RORA: variants seen among roughly 807,000 people sequenced by gnomAD.
RORA encodes RAR related orphan receptor A.
Under a neutral mutation model 69.5 loss-of-function variants are expected in RORA, and 7 were observed. The ratio of observed to expected loss-of-function variants is 0.10; its 90% CI spans 0.06 to 0.19. RORA has a LOEUF of 0.19. Ranked by LOEUF, RORA falls within the 10% of genes least tolerant of loss-of-function variation. RORA has a pLI of 1.00. For missense variants in RORA, 457 were observed against 663.0 expected, an observed-to-expected ratio of 0.69 and a Z score of 3.41; for synonymous variants, 261 against 240.8, an observed-to-expected ratio of 1.08 and a Z score of -0.78.
intron 1 of RORA, among the ~76,000 whole-genome samples, chr15:60,772,154 C>G (rs1031951063): frequency 2.6e-5 from 4 of 151,948 alleles, no homozygotes; most frequent in Non-Finnish European, 5.9e-5. Context: ...GTTTGCTGTA[C>G]CCATCAACTC....
chr15:60,674,338 TC>T (rs1489429902), intron 2 of RORA, among the ~76,000 whole-genome samples: 13 of 152,186 alleles, frequency 8.5e-5, no homozygotes, highest in African/African-American at 3.1e-4. Flanking sequence ...TTTTTGGATC[TC>T]CTGAGTAAAT....
chr15:61,045,194 C>T lies in RORA; in HGVS notation c.166+183859G>A, dbSNP rs184518195. ...TTGAATCATGGGGGTGGGTCTTTCC[C>T]ATGCTGTTCTCATGATAGTGAATAA... On this transcript the variant is annotated intron_variant, in intron 1 of 10. Coordinates refer to ENST00000335670, the MANE Select transcript of RORA (RefSeq NM_134261.3). Among the ~76,000 whole-genome samples the T allele has an allele frequency of 1.6e-4, 25 of 152,216 alleles. No individual in the cohort carries two copies. The East Asian group carries it at 4.6e-3, about 28-fold the overall frequency.
intron 1 of RORA, among the ~76,000 whole-genome samples, chr15:61,068,923 A>C (rs773794482): frequency 3.3e-5 from 5 of 152,198 alleles, no homozygotes; most frequent in Non-Finnish European, 2.9e-5. Flanking sequence ...CAATTTATGA[A>C]CCATTTCCCC....
At chr15:60,959,986 C>G (rs559829585) in intron 1 of RORA, among the ~76,000 whole-genome samples, 1 of 152,082 alleles carries the variant, frequency 6.6e-6, no homozygotes, top group African/African-American at 2.4e-5. Context: ...CTATACTTCC[C>G]TATAGCCAGT....
At chr15:60,726,982 G>C (rs892923786) in intron 1 of RORA, among the ~76,000 whole-genome samples, 5 of 152,134 alleles carry the variant, frequency 3.3e-5, no homozygotes, top group African/African-American at 1.2e-4. Flanking sequence ...TTTTTGAGCA[G>C]TAATAACTTT....
chr15:60,498,846 T>A (rs1267964409), intron 10 of RORA, among the ~76,000 whole-genome samples: 2 of 136,462 alleles, frequency 1.5e-5, no homozygotes, highest in African/African-American at 2.8e-5. Flanking sequence ...TGGTCTAACA[T>A]AGCTATAAAG....
intron 2 of RORA, among the ~76,000 whole-genome samples, chr15:60,569,285 C>T (rs1365154893): frequency 7.0e-6 from 1 of 142,910 alleles, no homozygotes; most frequent in African/African-American, 2.7e-5. Flanking sequence ...AAAAAAAAGC[C>T]ATGTGTGGTG....
At chr15:60,975,240 G>A (rs902147301) in intron 1 of RORA, among the ~76,000 whole-genome samples, 2 of 152,170 alleles carry the variant, frequency 1.3e-5, no homozygotes, top group African/African-American at 4.8e-5. Context: ...GGAGTAATGG[G>A]GGCCTAAACA....
chr15:61,177,810 A>G (rs2079644328), intron 1 of RORA, among the ~76,000 whole-genome samples: 1 of 151,796 alleles, frequency 6.6e-6, no homozygotes, highest in South Asian at 2.1e-4. Context: ...AAAATACAAA[A>G]AATTAGCCAA....
In RORA at chr15:60,495,684, C is replaced by T. The variant is rs1275136445; in HGVS notation, c.*1771G>A. On this transcript the variant is annotated 3_prime_UTR_variant, in exon 11 of 11. Coordinates refer to ENST00000335670, the MANE Select transcript of RORA (RefSeq NM_134261.3). ...TGGAAACTCCTACCTTAACACCCAT[C>T]GGAGATGTTCCCTTTTCTGTACAAA... 1.3e-5 allele frequency: 2 copies of T among 152,318 alleles called. No individual in the cohort carries two copies. The highest frequency in any genetic ancestry group is 1.5e-5 in the Non-Finnish European group (1 of 68,026). The allele number at this position is 152,318 out of a possible 1,614,324, so 9.4% of individuals were successfully genotyped here.
At chr15:61,059,958 A>AGAAGAAGAAGAAGAG (rs2078152413) in intron 1 of RORA, among the ~76,000 whole-genome samples, 1 of 119,796 alleles carries the variant, frequency 8.3e-6, no homozygotes, top group African/African-American at 3.1e-5. Context: ...AAGAAGAAGA[A>AGAAGAAGAAGAAGAG]GAAGAGGAAG....
chr15:61,184,030 C>A (rs912649852), intron 1 of RORA, among the ~76,000 whole-genome samples: 3 of 152,140 alleles, frequency 2.0e-5, no homozygotes, highest in African/African-American at 7.2e-5. Flanking sequence ...TGACACAGAG[C>A]CATCTCCTAT....
chr15:61,172,680 G>C (rs955144247), intron 1 of RORA, among the ~76,000 whole-genome samples: 1 of 152,102 alleles, frequency 6.6e-6, no homozygotes, highest in Non-Finnish European at 1.5e-5. Context: ...CAGTACAATG[G>C]GAAAATCGCC....
chr15:60,941,921 T>C (rs1471104172), intron 1 of RORA, among the ~76,000 whole-genome samples: 5 of 152,164 alleles, frequency 3.3e-5, no homozygotes, highest in Non-Finnish European at 7.3e-5. Flanking sequence ...AAAGCAGACA[T>C]TTTAGGAAGA....
intron 10 of RORA, among the ~76,000 whole-genome samples, chr15:60,497,871 A>T (rs2065209417): frequency 6.6e-6 from 1 of 151,846 alleles, no homozygotes; most frequent in Admixed American, 6.6e-5. Context: ...CCAGCCTGGG[A>T]AACACGGTGA....
At chr15:60,857,685 T>C (rs1036143292) in intron 1 of RORA, among the ~76,000 whole-genome samples, 7 of 152,156 alleles carry the variant, frequency 4.6e-5, no homozygotes, top group African/African-American at 1.7e-4. Context: ...AGCTAGCAGC[T>C]TCAGCCGTGT....
chr15:60,551,066 G>A (rs992950028), intron 2 of RORA, among the ~76,000 whole-genome samples: 3 of 151,978 alleles, frequency 2.0e-5, no homozygotes, highest in African/African-American at 7.3e-5. Flanking sequence ...TCCATAAGGC[G>A]ATTTCACAGT....
At chr15:61,027,381 A>G (rs1895881009) in intron 1 of RORA, among the ~76,000 whole-genome samples, 1 of 152,230 alleles carries the variant, frequency 6.6e-6, no homozygotes. Flanking sequence ...AAGAAGTAGA[A>G]GAAATGAAAG....
intron 1 of RORA, among the ~76,000 whole-genome samples, chr15:60,798,966 T>C (rs1463727574): frequency 6.7e-6 from 1 of 149,648 alleles, no homozygotes; most frequent in Non-Finnish European, 1.5e-5. Flanking sequence ...TCAAGGACAG[T>C]GTATTATGGC....
Sources: gnomAD v4.1 joint callset for allele counts (sites outside exome capture counted in the v4.1 genomes callset) on GRCh38, gnomAD v4.1.1 for gene constraint, MANE v1.5 for transcripts, NCBI Gene and HGNC (gene_info 2026-07-23, HGNC 2026-07-21) for gene names.